MATR3: variants seen among roughly 807,000 people sequenced by gnomAD.
The protein encoded by MATR3 is matrin 3.
MATR3 carries 4 observed loss-of-function variants against 85.5 expected under a neutral mutation model. The ratio of observed to expected loss-of-function variants is 0.05; its 90% confidence interval spans 0.02 to 0.11. The LOEUF (loss-of-function observed/expected upper bound fraction) is 0.11, where lower values mean the gene tolerates loss of function less well. MATR3 is among the 10% of genes least tolerant of loss of function. The pLI is 1.00. For missense variants in MATR3, 685 were observed against 1,016.1 expected (o/e 0.67, Z 4.43); for synonymous variants, 336 against 343.1 (o/e 0.98, Z 0.23).
chr5:139,279,244 G>C (rs368109461), intron 3 of MATR3: 145 of 441,178 alleles, frequency 3.3e-4, no homozygotes, highest in East Asian at 1.6e-3. Context: ...TTTTTTTTGG[G>C]GGGGGACGGA....
At chr5:139,306,175 C>T (rs1561932203) in intron 1 of MATR3, among the ~76,000 whole-genome samples, 1 of 152,006 alleles carries the variant, frequency 6.6e-6, no homozygotes, top group African/African-American at 2.4e-5. Flanking sequence ...TTATGACAAT[C>T]GTGATATAAA....
chr5:139,324,559 G>A (rs1237857180), intron 12 of MATR3, among the ~76,000 whole-genome samples: 2 of 152,126 alleles, frequency 1.3e-5, no homozygotes, highest in African/African-American at 4.8e-5. Context: ...CTCCCAAAGT[G>A]CTGGAATTAC....
rs565158898 is a variant in MATR3 at position 139,287,111 on chromosome 5, ACTTTTAC to A, written c.-178+7987_-178+7993del. Reference sequence around the variant, plus strand: ...TAATTCCATTTTGTCGTCTTTTAGGACTTTTACCTTTGTCAAGCTTAATTTTCTCATC... The same window carrying A: ...TAATTCCATTTTGTCGTCTTTTAGGACTTTGTCAAGCTTAATTTTCTCATC... On this transcript the variant is annotated intron_variant, in intron 3 of 16. Transcript: ENST00000509990. Among the ~76,000 whole-genome samples, 7 of 152,272 alleles carry A rather than the reference ACTTTTAC, an allele frequency of 4.6e-5. No homozygotes were observed. The East Asian group carries it at 1.3e-3, about 29-fold the overall frequency.
At position 139,314,212 on chromosome 5, in the gene MATR3, C is replaced by T. The variant is rs530716399; in HGVS notation, c.913-463C>T. 2.8e-5 allele frequency: 5 copies of T among 180,032 alleles called. No homozygotes were observed. In the East Asian group the frequency reaches 5.3e-4, roughly 19 times the overall value. 11.2% of individuals were successfully genotyped at this position (180,032 alleles called of 1,614,324 possible). ...GATTATAGGCATGAGCCACCATGCTCGGCCTAAAAGATTCTATTTTAACTA... is the reference window on the plus strand; with the variant it reads ...GATTATAGGCATGAGCCACCATGCTTGGCCTAAAAGATTCTATTTTAACTA... On this transcript the variant is annotated intron_variant, in intron 2 of 14. Transcript: ENST00000394805.
chr5:139,313,355 C>G (rs1305518872), intron 2 of MATR3: 1 of 144,780 alleles, frequency 6.9e-6, no homozygotes, highest in Admixed American at 7.0e-5. Flanking sequence ...TTAGCACATT[C>G]CATGTGCCTG....
At chr5:139,321,133 C>A (rs139220695) in intron 9 of MATR3, among the ~76,000 whole-genome samples, 1 of 151,938 alleles carries the variant, frequency 6.6e-6, no homozygotes, top group African/African-American at 2.4e-5. Flanking sequence ...TTTTGTAAAT[C>A]TGACAGGTTG....
intron 2 of MATR3, among the ~76,000 whole-genome samples, chr5:139,308,721 C>T (rs982511131): frequency 1.6e-4 from 24 of 152,152 alleles, no homozygotes; most frequent in Admixed American, 1.6e-3. Context: ...GTCTTGATTG[C>T]TGATTTGTAT....
At position 139,317,589 on chromosome 5, in the gene MATR3, TG is replaced by T. The variant is rs1561939239; in HGVS notation, c.1183-5del. ...TAATTGCTTGGTTTTTTTCCCCTAA[TG>T]GATAGGAAACTAGCAGAGTTGTTCA... On this transcript the variant is annotated splice_polypyrimidine_tract_variant and splice_region_variant and intron_variant, in intron 6 of 14. Transcript: ENST00000394805. 6.3e-7 allele frequency: 1 copy of T among 1,593,186 alleles called. No individual in the cohort carries two copies. Among genetic ancestry groups the T allele is most frequent in the Admixed American group, 1.7e-5 (1 of 59,472 alleles).
chr5:139,314,444 G>A lies in MATR3; in HGVS notation c.913-231G>A, dbSNP rs776301161. 258 of 479,742 alleles carry A rather than the reference G, an allele frequency of 5.4e-4. 1 individual carries two copies. The highest frequency in any genetic ancestry group is 6.8e-4 in the Admixed American group (21 of 30,678). The allele number at this position is 479,742 out of a possible 1,614,324, so 29.7% of individuals were successfully genotyped here. A position where few individuals can be genotyped will look rare whatever the true frequency, so the allele number is the denominator to read the frequency against. On this transcript the variant is annotated intron_variant, in intron 2 of 14. Transcript: ENST00000394805. Reference sequence around the variant, plus strand: ...CCCTGTCAAATATCTTAAGTATGTTGACAAGTTAATCCAGTTTTTCCAAGA... The same window carrying A: ...CCCTGTCAAATATCTTAAGTATGTTAACAAGTTAATCCAGTTTTTCCAAGA...
intron 1 of MATR3, among the ~76,000 whole-genome samples, chr5:139,305,314 T>A (rs1013228227): frequency 7.9e-5 from 12 of 152,224 alleles, no homozygotes; most frequent in Non-Finnish European, 1.2e-4. Context: ...TTCAGAGCTC[T>A]GTAGTCTAAC....
At chr5:139,316,842 G>A (rs527334795) in intron 5 of MATR3, among the ~76,000 whole-genome samples, 2 of 152,202 alleles carry the variant, frequency 1.3e-5, no homozygotes, top group East Asian at 1.9e-4. Context: ...CACCACACCC[G>A]GCCCCATTCT....
Position 139,308,123 on chromosome 5 carries a change from T to A in MATR3, c.708T>A (p.Phe236Leu). Residue 236 changes from phenylalanine to leucine, a missense_variant, in exon 2 of 15, where the codon TTT becomes TTA. Transcript: ENST00000394805. ...AAAGGTGTAGGGATGATTCTTTTTT[T>A]GGTGAGACCTCGCATAACTATCATA... ...DGERCRDDSF[F>L]GETSHNYHKF... is the part of the protein sequence containing the mutation. 1 of 1,614,054 alleles carries A rather than the reference T, an allele frequency of 6.2e-7. No individual in the cohort carries two copies. Among genetic ancestry groups the A allele is most frequent in the East Asian group, 2.2e-5 (1 of 44,882 alleles).
chr5:139,320,607 A>C (rs2152001537), intron 9 of MATR3, among the ~76,000 whole-genome samples: 1 of 152,282 alleles, frequency 6.6e-6, no homozygotes, highest in African/African-American at 2.4e-5. Flanking sequence ...TGTCTCAAAA[A>C]GGAAATAAGG....
In MATR3 at chr5:139,307,049, ACTT is replaced by A. The variant is rs1754748292; in HGVS notation, c.-177-189_-177-187del. ...TAGTTAAGCTTTAGCATGAAATACT[ACTT>A]TTTAAATATCTATATGCAGGCTCTG... On this transcript the variant is annotated intron_variant, in intron 1 of 14. Coordinates refer to ENST00000394805, the MANE Select transcript of MATR3 (RefSeq NM_018834.6). This position sits in a 1 kb window ranked among gnomAD's most constrained non-coding sequence, Gnocchi z 4.4. 1.3e-5 allele frequency among the ~76,000 whole-genome samples: 2 copies of A among 151,614 alleles called. No individual in the cohort carries two copies.
chr5:139,313,758 T>C (rs1222129105), intron 2 of MATR3: 2 of 152,174 alleles, frequency 1.3e-5, no homozygotes, highest in Non-Finnish European at 2.9e-5. Context: ...ATAAATGGGA[T>C]TCGTTTTCTA....
In MATR3 at chr5:139,303,037, T is replaced by G. The variant is rs11738939; in HGVS notation, c.-177-4202T>G. On this transcript the variant is annotated intron_variant, in intron 1 of 14. Transcript: ENST00000394805. ...TTCATAGTTTTATGGGTAAACCATC[T>G]CAAATTAGTTGTTTTTTTTTTTTTT... Among the ~76,000 whole-genome samples, 1,304 of 151,862 alleles carry G rather than the reference T, an allele frequency of 8.6e-3. 7 individuals carry two copies. The highest frequency in any genetic ancestry group is 0.014 in the Admixed American group (219 of 15,268).
chr5:139,279,121 ATAAG>A, exon 3 of MATR3: 1 of 454,620 alleles, frequency 2.2e-6, no homozygotes, highest in South Asian at 1.5e-5. Context: ...TGACACCAAG[ATAAG>A]TAACGTATGT....
chr5:139,286,094 G>C (rs1753693690), intron 3 of MATR3, among the ~76,000 whole-genome samples: 1 of 152,150 alleles, frequency 6.6e-6, no homozygotes, highest in Non-Finnish European at 1.5e-5. Flanking sequence ...ACAGAGTTTT[G>C]AAATTCATAT....
chr5:139,323,113 C>G, intron 12 of MATR3, 146 bp downstream of exon 12: 1 of 834,884 alleles, frequency 1.2e-6, no homozygotes, highest in Non-Finnish European at 1.8e-6. Context: ...ACATTTAAAT[C>G]TAAACTCTGC....
Sources: allele counts gnomAD v4.1 joint callset (sites outside exome capture counted in the v4.1 genomes callset), GRCh38; gene constraint gnomAD v4.1.1; non-coding constraint Gnocchi (gnomAD v3.1); transcripts MANE v1.5; gene names NCBI Gene and HGNC (gene_info 2026-07-23, HGNC 2026-07-21).